The following NNT variants were observed in gnomAD, a reference collection of about 807,000 sequenced individuals.
NNT encodes the protein nicotinamide nucleotide transhydrogenase, also known as NAD(P) transhydrogenase, mitochondrial.
In NNT, 50 loss-of-function variants were observed where a neutral mutation model predicts 104.8. The ratio of observed to expected loss-of-function variants is 0.48; its 90% confidence interval spans 0.38 to 0.60. The LOEUF (loss-of-function observed/expected upper bound fraction) is 0.60. Ranked by LOEUF, NNT falls within the 20% of genes least tolerant of loss-of-function variation. NNT has a pLI of 0.00. For missense variants in NNT, 1,131 were observed against 1,330.7 expected (o/e 0.85, Z 2.33); for synonymous variants, 461 against 490.4 (o/e 0.94, Z 0.79).
intron 7 of NNT, 115 bp from the exon 8 acceptor site, chr5:43,644,077 G>C: frequency 1.0e-6 from 1 of 968,582 alleles, no homozygotes; most frequent in Non-Finnish European, 1.5e-6. Flanking sequence ...CTCTTGGAAA[G>C]AGTTAAAATT....
intron 17 of NNT, among the ~76,000 whole-genome samples, chr5:43,660,098 G>T (rs775848498): frequency 6.6e-6 from 1 of 152,042 alleles, no homozygotes; most frequent in Non-Finnish European, 1.5e-5. Flanking sequence ...TATTTAATTT[G>T]CCCTTAATGC....
At position 43,704,517 on chromosome 5, in the gene NNT, A is replaced by T; in HGVS notation, c.*113A>T. The T allele has an allele frequency of 8.9e-7, 1 of 1,129,052 alleles. No individual in the cohort carries two copies. The highest frequency in any genetic ancestry group is 1.2e-6 in the Non-Finnish European group (1 of 812,142). The allele number at this position is 1,129,052 out of a possible 1,614,324, so 69.9% of individuals were successfully genotyped here. On this transcript the variant is annotated 3_prime_UTR_variant, in exon 22 of 22. Coordinates refer to ENST00000344920, the MANE Select transcript of NNT (RefSeq NM_182977.3). ...CATCTGTAGCAAAGCTCTTGGAGAA[A>T]ATGAAGACTGAAGAAAGCAAAGCAA...
intron 21 of NNT, among the ~76,000 whole-genome samples, chr5:43,703,947 G>T (rs558375722): frequency 6.6e-6 from 1 of 152,210 alleles, no homozygotes; most frequent in South Asian, 2.1e-4. Context: ...CTAGAAAATG[G>T]TATACATGGT....
At chr5:43,651,654 A>G in intron 12 of NNT, 85 bp from the exon 13 acceptor site, 5 of 1,429,726 alleles carry the variant, frequency 3.5e-6, no homozygotes, top group Non-Finnish European at 4.8e-6. Flanking sequence ...TGCTTAAAAC[A>G]GAAAAATTGT....
intron 4 of NNT, 116 bp downstream of exon 4, chr5:43,616,181 C>T: frequency 1.2e-6 from 1 of 850,996 alleles, no homozygotes; most frequent in Non-Finnish European, 1.8e-6. Flanking sequence ...GAGATTACAG[C>T]CTTTTGAGAG....
At position 43,655,987 on chromosome 5, in the gene NNT, A is replaced by G. The variant is rs757012881; in HGVS notation, c.2207A>G (p.Asn736Ser). ...CATTTTGCTACGGATGCAGCAGCAA[A>G]TCTCACCAAGATTGTGGCCTACCTC... is the stretch of plus-strand genomic sequence containing the variant. The part of the protein sequence containing the change: ...YPHFATDAAA[N>S]LTKIVAYLGT... The change falls in exon 15 of 22, where the codon AAT becomes AGT. Residue 736 changes from asparagine (N) to serine (S), a missense_variant. By Grantham distance (46) the Asn-to-Ser change is conservative. Coordinates refer to ENST00000344920, the MANE Select transcript of NNT (RefSeq NM_182977.3). 2 of 1,614,214 alleles carry G rather than the reference A, an allele frequency of 1.2e-6. No individual in the cohort carries two copies. Among genetic ancestry groups the G allele is most frequent in the Non-Finnish European group, 1.7e-6 (2 of 1,180,034 alleles).
Position 43,700,162 on chromosome 5 carries a change from A to C in NNT, c.2920A>C (p.Asn974His). 6.2e-7 allele frequency: 1 copy of C among 1,613,718 alleles called. No homozygotes were observed. The highest frequency in any genetic ancestry group is 8.5e-7 in the Non-Finnish European group (1 of 1,179,788). The change falls in exon 20 of 22, where the codon AAT becomes CAT. Residue 974 changes from asparagine to histidine, a missense_variant. Physicochemically the swap from Asn to His is moderately conservative, Grantham distance 68 (BLOSUM62 1). Transcript: ENST00000344920. ...PVAGRMPGQL[N>H]VLLAEAGVPY... ...TGCAGGCCGAATGCCTGGTCAGCTT[A>C]ATGTGCTGCTGGCTGAGGCTGGTGT...
At chr5:43,643,041 C>T (rs990061728) in intron 7 of NNT, among the ~76,000 whole-genome samples, 3 of 152,050 alleles carry the variant, frequency 2.0e-5, no homozygotes, top group African/African-American at 7.2e-5. Flanking sequence ...CCTCCTTTCT[C>T]AGACTCCTGG....
chr5:43,617,511 T>C (rs181454664), intron 4 of NNT, among the ~76,000 whole-genome samples: 1 of 152,310 alleles, frequency 6.6e-6, no homozygotes, highest in African/African-American at 2.4e-5. Flanking sequence ...AATCATCTAG[T>C]ATACATATCC....
chr5:43,666,020 A>G (rs1740644035), intron 17 of NNT, among the ~76,000 whole-genome samples: 1 of 150,220 alleles, frequency 6.7e-6, no homozygotes, highest in Admixed American at 6.6e-5. Flanking sequence ...GGCGCTCCCC[A>G]CATCCCAGAC....
chr5:43,672,799 T>G (rs1371018377), intron 17 of NNT, among the ~76,000 whole-genome samples: 1 of 152,310 alleles, frequency 6.6e-6, no homozygotes, highest in Non-Finnish European at 1.5e-5. Context: ...GAACCACTAC[T>G]CTCTTCAAAG....
At chr5:43,644,115 A>G in intron 7 of NNT, 77 bp from the exon 8 acceptor site, 1 of 1,338,076 alleles carries the variant, frequency 7.5e-7, no homozygotes. Context: ...GAATGCCCAG[A>G]GACTACTGTA....
intron 1 of NNT, among the ~76,000 whole-genome samples, chr5:43,608,555 C>T (rs1749342655): frequency 6.6e-6 from 1 of 152,108 alleles, no homozygotes; most frequent in South Asian, 2.1e-4. Context: ...GTTTAATTTT[C>T]TTGAGAGGTG....
chr5:43,688,970 CT>C (rs1742122899), intron 19 of NNT, among the ~76,000 whole-genome samples: 1 of 152,218 alleles, frequency 6.6e-6, no homozygotes, highest in Admixed American at 6.5e-5. Context: ...AATCTTCACA[CT>C]GTTTACCATA....
At chr5:43,652,139 T>C (rs1739800540) in intron 13 of NNT, among the ~76,000 whole-genome samples, 1 of 152,208 alleles carries the variant, frequency 6.6e-6, no homozygotes, top group East Asian at 1.9e-4. Context: ...GATACATTTT[T>C]CCACATGTAA....
At chr5:43,659,476 A>G (rs1740240223) in intron 17 of NNT, 126 bp downstream of exon 17, 1 of 772,618 alleles carries the variant, frequency 1.3e-6, no homozygotes, top group African/African-American at 1.8e-5. Flanking sequence ...CACACCTGTA[A>G]TCCCAGCACT....
chr5:43,652,006 C>A, intron 13 of NNT, 122 bp downstream of exon 13: 1 of 1,040,902 alleles, frequency 9.6e-7, no homozygotes, highest in East Asian at 2.5e-5. Context: ...GCAAATACAA[C>A]AATAACCCTA....
rs1268466751 is a variant in NNT at position 43,688,385 on chromosome 5, G to T, written c.2876+10579G>T. Among the ~76,000 whole-genome samples, 6 of 152,232 alleles carry T rather than the reference G, an allele frequency of 3.9e-5. 1 individual carries two copies. In the South Asian group the frequency reaches 1.2e-3, roughly 32 times the overall value. On this transcript the variant is annotated intron_variant, in intron 19 of 21. Coordinates refer to ENST00000344920, the MANE Select transcript of NNT (RefSeq NM_182977.3). ...CTGGAAAAGGCATGGAATGGAGTTT[G>T]CCCTAGAATCTCCAGAAGGAATTTT... is the stretch of plus-strand genomic sequence containing the variant.
intron 19 of NNT, among the ~76,000 whole-genome samples, chr5:43,678,943 A>C (rs961573498): frequency 9.2e-5 from 14 of 152,020 alleles, no homozygotes; most frequent in African/African-American, 3.4e-4. Context: ...CCTCCAATCT[A>C]TAGTCTGTGT....
Sources: allele counts gnomAD v4.1 joint callset (sites outside exome capture counted in the v4.1 genomes callset), GRCh38; gene constraint gnomAD v4.1.1; transcripts MANE v1.5; gene names NCBI Gene and HGNC (gene_info 2026-07-23, HGNC 2026-07-21).